KAZN: variants seen among roughly 807,000 people sequenced by gnomAD.
KAZN encodes the protein kazrin.
KAZN carries 40 observed loss-of-function variants against 87.4 expected under a neutral mutation model. The observed-to-expected ratio is 0.46, with a 90% CI of 0.36 to 0.60. KAZN has a LOEUF of 0.60. Among genes scored for constraint, KAZN ranks in the 20% least tolerant of loss-of-function variants. The pLI is 0.00. For missense variants in KAZN, 898 were observed against 1,073.9 expected, an observed-to-expected ratio of 0.84 and a Z score of 2.29; for synonymous variants, 466 against 458.3, an observed-to-expected ratio of 1.02 and a Z score of -0.22.
intron 2 of KAZN, among the ~76,000 whole-genome samples, chr1:14,976,679 G>A (rs1443063090): frequency 2.6e-5 from 4 of 152,194 alleles, no homozygotes; most frequent in Admixed American, 6.5e-5. Flanking sequence ...CCAACCAGAT[G>A]GGCATTGGCC....
Position 14,735,360 on chromosome 1 carries a change from C to A in KAZN, c.226+136137C>A, listed in dbSNP as rs2050124. On this transcript the variant is annotated intron_variant, in intron 1 of 14. Transcript: ENST00000376030. The surrounding 1 kb of genome is among the most constrained non-coding windows in gnomAD (Gnocchi z 4.3). Reference sequence around the variant, plus strand: ...CAGGCGTGAGCCACCGCGCCCGGCCCGTGCTGTTGTTTTCAAAGACACGTT... The same window carrying A: ...CAGGCGTGAGCCACCGCGCCCGGCCAGTGCTGTTGTTTTCAAAGACACGTT... Among the ~76,000 whole-genome samples, 1 of 151,986 alleles carries A rather than the reference C, an allele frequency of 6.6e-6. No individual in the cohort carries two copies. The highest frequency in any genetic ancestry group is 2.4e-5 in the African/African-American group (1 of 41,378).
At chr1:14,005,521 A>G (rs1256328402) in intron 1 of KAZN, among the ~76,000 whole-genome samples, 1 of 152,230 alleles carries the variant, frequency 6.6e-6, no homozygotes, top group African/African-American at 2.4e-5. Context: ...ATATACAAGT[A>G]GACTCATGGT....
intron 1 of KAZN, among the ~76,000 whole-genome samples, chr1:13,956,538 A>T (rs1000482793): frequency 1.3e-5 from 2 of 152,052 alleles, no homozygotes; most frequent in Non-Finnish European, 2.9e-5. Flanking sequence ...GTATTCTGAC[A>T]TGCATACGAT....
intron 2 of KAZN, among the ~76,000 whole-genome samples, chr1:14,235,175 C>A (rs1287586623): frequency 4.0e-5 from 6 of 151,672 alleles, no homozygotes; most frequent in African/African-American, 1.2e-4. Flanking sequence ...TGTAGTATAA[C>A]GACACAATGA....
chr1:14,600,550 G>C (rs1253934563), intron 1 of KAZN, among the ~76,000 whole-genome samples: 2 of 151,560 alleles, frequency 1.3e-5, no homozygotes, highest in Non-Finnish European at 2.9e-5. Flanking sequence ...TAGCCATGAC[G>C]TAATGGTGAG....
intron 1 of KAZN, among the ~76,000 whole-genome samples, chr1:14,049,089 A>G (rs1040084550): frequency 4.8e-4 from 73 of 152,142 alleles, no homozygotes; most frequent in Non-Finnish European, 9.1e-4. Flanking sequence ...TGATAGACTG[A>G]ATTAAGAAAA....
chr1:14,014,174 C>T (rs930197980), intron 1 of KAZN, among the ~76,000 whole-genome samples: 27 of 151,824 alleles, frequency 1.8e-4, no homozygotes, highest in Admixed American at 1.3e-3. Flanking sequence ...ACATTGTATC[C>T]GGGAGGAAGG....
At chr1:14,427,983 AT>A (rs1665834685) in intron 2 of KAZN, among the ~76,000 whole-genome samples, 1 of 152,120 alleles carries the variant, frequency 6.6e-6, no homozygotes, top group Non-Finnish European at 1.5e-5. Flanking sequence ...CAATGATTCT[AT>A]CAATGTTTGG....
At chr1:14,648,371 C>CT (rs1416993627) in intron 1 of KAZN, among the ~76,000 whole-genome samples, 3 of 152,144 alleles carry the variant, frequency 2.0e-5, no homozygotes, top group African/African-American at 4.8e-5. Context: ...TACTTGGAAA[C>CT]TAAATGAGAA....
intron 2 of KAZN, among the ~76,000 whole-genome samples, chr1:14,961,997 C>A (rs1027480465): frequency 1.3e-5 from 2 of 152,240 alleles, no homozygotes; most frequent in Admixed American, 1.3e-4. Context: ...GTCATGTGAC[C>A]ATTCCTAGAT....
chr1:14,189,430 A>C (rs6679368), intron 2 of KAZN, among the ~76,000 whole-genome samples: 2 of 152,030 alleles, frequency 1.3e-5, no homozygotes, highest in African/African-American at 4.8e-5. Context: ...AACCATCCCA[A>C]AACAGTGGCT....
At chr1:14,649,476 C>T (rs538576092) in intron 1 of KAZN, among the ~76,000 whole-genome samples, 47 of 152,086 alleles carry the variant, frequency 3.1e-4, no homozygotes, top group Admixed American at 7.2e-4. Context: ...GTTCACGTTA[C>T]ACCTCAAAGC....
intron 1 of KAZN, among the ~76,000 whole-genome samples, chr1:14,911,881 G>A (rs1280928360): frequency 2.0e-5 from 3 of 152,106 alleles, no homozygotes; most frequent in East Asian, 1.9e-4. Context: ...GGCCAGGCAC[G>A]GTGGCTCACG....
rs139865056 is a variant in KAZN, at chr1:14,769,959, A to T, written c.226+170736A>T. Among the ~76,000 whole-genome samples, 346 of 152,298 alleles carry T rather than the reference A, an allele frequency of 2.3e-3. No homozygotes were observed. Among genetic ancestry groups the T allele is most frequent in the Non-Finnish European group, 3.9e-3 (267 of 68,022 alleles). On this transcript the variant is annotated intron_variant, in intron 1 of 14. Transcript: ENST00000376030. This position sits in a 1 kb window ranked among gnomAD's most constrained non-coding sequence, Gnocchi z 4.1. The stretch of plus-strand genomic sequence containing the variant: ...GCCCCTCTGAGCAGGTGATGGGTAA[A>T]CTGAACCCTGGAGGTTGAGCAGGGA...
intron 2 of KAZN, among the ~76,000 whole-genome samples, chr1:14,381,704 C>T (rs1002031047): frequency 6.6e-6 from 1 of 152,092 alleles, no homozygotes; most frequent in Non-Finnish European, 1.5e-5. Flanking sequence ...ATATAAAAGA[C>T]CAATAGTTAA....
At chr1:14,782,569 A>AG (rs1645388493) in intron 1 of KAZN, among the ~76,000 whole-genome samples, 1 of 151,168 alleles carries the variant, frequency 6.6e-6, no homozygotes, top group African/African-American at 2.4e-5. Context: ...AAAAAAAAAA[A>AG]AAAAAAAAAG....
intron 1 of KAZN, among the ~76,000 whole-genome samples, chr1:14,730,702 G>A (rs2100359266): frequency 6.6e-6 from 1 of 152,296 alleles, no homozygotes; most frequent in Non-Finnish European, 1.5e-5. Flanking sequence ...GCAAGGTGAG[G>A]TGCCTACATT....
chr1:14,213,522 G>A (rs759962759), intron 2 of KAZN, among the ~76,000 whole-genome samples: 2 of 152,184 alleles, frequency 1.3e-5, no homozygotes, highest in Non-Finnish European at 2.9e-5. Context: ...AGGTTAGAAT[G>A]CACCTGCCAT....
At chr1:14,436,085 C>T (rs1040853843) in intron 2 of KAZN, among the ~76,000 whole-genome samples, 6 of 151,910 alleles carry the variant, frequency 3.9e-5, no homozygotes, top group South Asian at 4.2e-4. Flanking sequence ...AAAAATTAGC[C>T]GGGTGTGGTG....
Sources: allele counts gnomAD v4.1 joint callset (sites outside exome capture counted in the v4.1 genomes callset), GRCh38; gene constraint gnomAD v4.1.1; non-coding constraint Gnocchi (gnomAD v3.1); transcripts MANE v1.5; gene names NCBI Gene and HGNC (gene_info 2026-07-23, HGNC 2026-07-21).